Variants in ADCY2 observed in about 807,000 individuals in gnomAD.
ADCY2 encodes the protein adenylate cyclase 2, also known as adenylate cyclase type 2.
A neutral mutation model predicts 125.2 loss-of-function variants in ADCY2; 31 were observed. The observed-to-expected ratio is 0.25, with a 90% confidence interval of 0.19 to 0.33. The LOEUF is 0.33. Among genes scored for constraint, ADCY2 ranks in the 10% least tolerant of loss-of-function variants. ADCY2 has a pLI of 1.00. For synonymous variants in ADCY2, 512 were observed against 548.4 expected (o/e 0.93, Z 0.93); for missense variants, 904 against 1,418.2 (o/e 0.64, Z 5.82).
intron 4 of ADCY2, among the ~76,000 whole-genome samples, chr5:7,627,850 A>T (rs951176166): frequency 1.3e-5 from 2 of 152,192 alleles, no homozygotes; most frequent in African/African-American, 4.8e-5. Flanking sequence ...AGGCACTGGG[A>T]TATAACTGTA....
intron 12 of ADCY2, among the ~76,000 whole-genome samples, chr5:7,724,114 C>CAAAAAAAA (rs1272949604): frequency 3.7e-4 from 28 of 76,528 alleles, no homozygotes; most frequent in South Asian, 6.4e-4. Flanking sequence ...TAGAAGCTAA[C>CAAAAAAAA]AAAAAAAAAA....
chr5:7,482,508 G>A (rs1696047263), intron 2 of ADCY2, among the ~76,000 whole-genome samples: 1 of 151,958 alleles, frequency 6.6e-6, no homozygotes, highest in African/African-American at 2.4e-5. Flanking sequence ...CTTATGTACT[G>A]TTGGTGGGAA....
chr5:7,557,696 C>T (rs1431721135), intron 3 of ADCY2, among the ~76,000 whole-genome samples: 4 of 152,294 alleles, frequency 2.6e-5, no homozygotes, highest in Admixed American at 6.5e-5. Flanking sequence ...CATAAGGACA[C>T]GATCTTGTTC....
chr5:7,477,135 CTG>C (rs1742555547), intron 2 of ADCY2, among the ~76,000 whole-genome samples: 1 of 152,076 alleles, frequency 6.6e-6, no homozygotes, highest in Non-Finnish European at 1.5e-5. Context: ...AGTTTCTTCT[CTG>C]TTTCCTCTAA....
chr5:7,787,595 A>G (rs1220185134), intron 19 of ADCY2, among the ~76,000 whole-genome samples: 1 of 152,134 alleles, frequency 6.6e-6, no homozygotes, highest in Non-Finnish European at 1.5e-5. Flanking sequence ...ACTTACATAT[A>G]AGACAGAGGA....
At chr5:7,700,514 T>C (rs150505682) in intron 7 of ADCY2, among the ~76,000 whole-genome samples, 1 of 133,906 alleles carries the variant, frequency 7.5e-6, no homozygotes, top group Non-Finnish European at 1.6e-5. Flanking sequence ...TTTTTTTTTT[T>C]AATCTGAACA....
intron 3 of ADCY2, among the ~76,000 whole-genome samples, chr5:7,608,231 C>A (rs779249812): frequency 2.6e-5 from 4 of 152,152 alleles, no homozygotes; most frequent in African/African-American, 4.8e-5. Context: ...TAAGAAACCA[C>A]CTTATCCAAA....
intron 14 of ADCY2, among the ~76,000 whole-genome samples, chr5:7,727,792 G>A (rs946988224): frequency 5.9e-5 from 9 of 152,034 alleles, no homozygotes; most frequent in Non-Finnish European, 4.4e-5. Context: ...CCGGAGAGAC[G>A]TGGGTACAAA....
Position 7,709,273 on chromosome 5 carries a change from G to T in ADCY2, c.1464G>T (p.Met488Ile). The change falls in exon 10 of 25, where the codon ATG becomes ATT. Residue 488 changes from methionine to isoleucine, a missense_variant. By Grantham distance (10) the Met-to-Ile change is conservative (BLOSUM62 1). Transcript: ENST00000338316. The surrounding 1 kb of genome is among the most constrained non-coding windows in gnomAD (Gnocchi z 4.4). ...GCCACACCCTTGATGGAGCCAAAAT[G>T]AGGGCCTCGGTCCGCATGACCCGGT... ...RPRHTLDGAK[M>I]RASVRMTRYL... The T allele has an allele frequency of 6.2e-7, 1 of 1,613,916 alleles. No homozygotes were observed. Among genetic ancestry groups the T allele is most frequent in the Non-Finnish European group, 8.5e-7 (1 of 1,179,934 alleles).
chr5:7,652,887 A>C (rs890479506), intron 4 of ADCY2, among the ~76,000 whole-genome samples: 2 of 152,234 alleles, frequency 1.3e-5, no homozygotes, highest in African/African-American at 2.4e-5. Flanking sequence ...TACATTTTTC[A>C]GTGAGCTCTG....
chr5:7,404,224 A>G (rs983596630), intron 1 of ADCY2, among the ~76,000 whole-genome samples: 1 of 152,026 alleles, frequency 6.6e-6, no homozygotes, highest in African/African-American at 2.4e-5. Context: ...TTTTATTTAT[A>G]ATATTGTTTT....
At position 7,781,876 on chromosome 5, in the gene ADCY2, G is replaced by A. The variant is rs911388449; in HGVS notation, c.2385-2489G>A. 2.6e-5 allele frequency among the ~76,000 whole-genome samples: 4 copies of A among 152,182 alleles called. No individual in the cohort carries two copies. The South Asian group carries it at 6.2e-4, about 24-fold the overall frequency. On this transcript the variant is annotated intron_variant, in intron 18 of 24. Coordinates refer to ENST00000338316, the MANE Select transcript of ADCY2 (RefSeq NM_020546.3). Reference sequence around the variant, plus strand: ...TGAGGTGATCTAGGAACTGATCTACGGTGGAGAAATGTCACTGAAACCATA... The same window carrying A: ...TGAGGTGATCTAGGAACTGATCTACAGTGGAGAAATGTCACTGAAACCATA...
intron 2 of ADCY2, among the ~76,000 whole-genome samples, chr5:7,432,725 G>C (rs892764800): frequency 1.3e-5 from 2 of 152,218 alleles, no homozygotes; most frequent in Admixed American, 6.5e-5. Flanking sequence ...GTACAATTTA[G>C]ATTTGCTAAA....
At chr5:7,766,470 C>T (rs556776715) in intron 16 of ADCY2, among the ~76,000 whole-genome samples, 23 of 152,230 alleles carry the variant, frequency 1.5e-4, no homozygotes, top group Non-Finnish European at 3.2e-4. Context: ...AAAGGCGCCT[C>T]CAATTCCTTT....
At chr5:7,728,926 G>A (rs191330714) in intron 14 of ADCY2, among the ~76,000 whole-genome samples, 26 of 152,278 alleles carry the variant, frequency 1.7e-4, no homozygotes, top group Admixed American at 3.3e-4. Context: ...TCACTTTTAA[G>A]AAACACATCC....
intron 3 of ADCY2, among the ~76,000 whole-genome samples, chr5:7,620,460 G>A (rs1241904968): frequency 6.6e-6 from 1 of 152,136 alleles, no homozygotes; most frequent in Non-Finnish European, 1.5e-5. Context: ...CCTAGCACAT[G>A]ACCTAAAGAT....
chr5:7,584,059 G>A (rs917314061), intron 3 of ADCY2, among the ~76,000 whole-genome samples: 1 of 152,022 alleles, frequency 6.6e-6, no homozygotes, highest in Non-Finnish European at 1.5e-5. Context: ...AAGAAGGAAA[G>A]GGAATGACTG....
chr5:7,427,816 G>A (rs1366340163), intron 2 of ADCY2, among the ~76,000 whole-genome samples: 1 of 152,218 alleles, frequency 6.6e-6, no homozygotes, highest in Non-Finnish European at 1.5e-5. Context: ...TGGGAATCAT[G>A]AGAATCTTAT....
At chr5:7,539,729 T>G (rs1174252941) in intron 3 of ADCY2, among the ~76,000 whole-genome samples, 2 of 152,182 alleles carry the variant, frequency 1.3e-5, no homozygotes, top group African/African-American at 4.8e-5. Context: ...CTAGTGTAGG[T>G]GGCTACTACT....
Sources: gnomAD v4.1 joint callset for allele counts (sites outside exome capture counted in the v4.1 genomes callset) on GRCh38, gnomAD v4.1.1 for gene constraint, Gnocchi (gnomAD v3.1) non-coding constraint, MANE v1.5 for transcripts, NCBI Gene and HGNC (gene_info 2026-07-23, HGNC 2026-07-21) for gene names.